Variants in PHLDB2 observed in about 807,000 individuals in gnomAD.
PHLDB2 encodes the protein pleckstrin homology-like domain family B member 2.
A neutral mutation model predicts 123.6 loss-of-function variants in PHLDB2; 71 were observed. The ratio of observed to expected loss-of-function variants is 0.57; its 90% CI spans 0.47 to 0.70. PHLDB2 has a LOEUF of 0.70. PHLDB2 is among the 30% of genes least tolerant of loss of function. PHLDB2 has a pLI of 0.00. For synonymous variants in PHLDB2, 547 were observed against 541.6 expected (o/e 1.01, Z -0.14); for missense variants, 1,446 against 1,519.5 (o/e 0.95, Z 0.80).
intron 1 of PHLDB2, among the ~76,000 whole-genome samples, chr3:111,810,783 T>C (rs1034228178): frequency 2.6e-5 from 4 of 152,206 alleles, no homozygotes; most frequent in African/African-American, 4.8e-5. Flanking sequence ...AAAATATGTC[T>C]TCCAAATGCC....
intron 1 of PHLDB2, among the ~76,000 whole-genome samples, chr3:111,794,604 G>A (rs1403022599): frequency 6.6e-6 from 1 of 152,196 alleles, no homozygotes; most frequent in African/African-American, 2.4e-5. Flanking sequence ...GATACCACTA[G>A]ATCTGCCCTC....
intron 2 of PHLDB2, among the ~76,000 whole-genome samples, chr3:111,909,480 C>T (rs890719567): frequency 3.3e-5 from 5 of 152,076 alleles, no homozygotes; most frequent in African/African-American, 1.2e-4. Context: ...GCCTGGAGTC[C>T]CCGCTACTCT....
chr3:111,845,673 A>T, intron 1 of PHLDB2: 2 of 814,414 alleles, frequency 2.5e-6, no homozygotes, highest in South Asian at 3.8e-5. Context: ...AGAGTGATCC[A>T]GGACGTCTGT....
chr3:111,862,253 G>T lies in PHLDB2; in HGVS notation c.-15+2677G>T, dbSNP rs1306949027. Reference sequence around the variant, plus strand: ...GCTGTGGATGGCTTAGAGTGACAGTGGCTTTGTACATTTTCTAGGTGGAGT... The same window carrying T: ...GCTGTGGATGGCTTAGAGTGACAGTTGCTTTGTACATTTTCTAGGTGGAGT... On this transcript the variant is annotated intron_variant, in intron 1 of 17. Coordinates refer to ENST00000431670, the MANE Select transcript of PHLDB2 (RefSeq NM_001134438.2). 3.3e-5 allele frequency among the ~76,000 whole-genome samples: 5 copies of T among 152,156 alleles called. No individual in the cohort carries two copies. In the East Asian group the frequency reaches 9.6e-4, roughly 29 times the overall value.
At chr3:111,785,473 C>G (rs1320990325) in intron 1 of PHLDB2, among the ~76,000 whole-genome samples, 1 of 152,120 alleles carries the variant, frequency 6.6e-6, no homozygotes, top group Non-Finnish European at 1.5e-5. Flanking sequence ...TTGGAATTCT[C>G]AAATCTCCAA....
chr3:111,822,773 C>A (rs2062464870), intron 1 of PHLDB2, among the ~76,000 whole-genome samples: 1 of 152,084 alleles, frequency 6.6e-6, no homozygotes, highest in Non-Finnish European at 1.5e-5. Context: ...GGACCAATAC[C>A]AAAAGCCACC....
chr3:111,762,024 C>T (rs1426020038), intron 1 of PHLDB2, among the ~76,000 whole-genome samples: 1 of 152,178 alleles, frequency 6.6e-6, no homozygotes, highest in African/African-American at 2.4e-5. Flanking sequence ...CAGAGGAACA[C>T]ATTTTATCCA....
intron 1 of PHLDB2, among the ~76,000 whole-genome samples, chr3:111,876,816 C>T (rs570770083): frequency 6.6e-6 from 1 of 152,192 alleles, no homozygotes; most frequent in Middle Eastern, 3.4e-3. Flanking sequence ...TGAGAACATG[C>T]CGTGTTTGGT....
At chr3:111,813,210 G>A (rs191413682) in intron 1 of PHLDB2, among the ~76,000 whole-genome samples, 4 of 152,282 alleles carry the variant, frequency 2.6e-5, no homozygotes, top group East Asian at 3.9e-4. Context: ...ACAAGTTCAA[G>A]AGAGCTGTTG....
At chr3:111,851,343 T>C (rs1576885464) in intron 2 of PHLDB2, among the ~76,000 whole-genome samples, 1 of 152,132 alleles carries the variant, frequency 6.6e-6, no homozygotes, top group Non-Finnish European at 1.5e-5. Context: ...TTAATTGGAA[T>C]GTTGTCACTG....
At chr3:111,927,715 G>A (rs776304086) in intron 5 of PHLDB2, among the ~76,000 whole-genome samples, 6 of 152,276 alleles carry the variant, frequency 3.9e-5, no homozygotes, top group Non-Finnish European at 8.8e-5. Flanking sequence ...CTGAAATTCA[G>A]TGTAGCTGAA....
At chr3:111,842,019 T>C (rs2063718939) in intron 1 of PHLDB2, among the ~76,000 whole-genome samples, 2 of 152,344 alleles carry the variant, frequency 1.3e-5, no homozygotes, top group Non-Finnish European at 2.9e-5. Flanking sequence ...TCTTTCTTAC[T>C]ATTGACTTTG....
At chr3:111,918,976 C>T (rs1315152269) in intron 3 of PHLDB2, 96 bp from the exon 4 acceptor site, 10 of 1,295,374 alleles carry the variant, frequency 7.7e-6, no homozygotes, top group African/African-American at 1.5e-5. Context: ...GGCATGGAGA[C>T]TGTGAGACCC....
chr3:111,777,918 T>TC lies in PHLDB2; in HGVS notation c.-49+45215_-49+45216insC, dbSNP rs376937965. On this transcript the variant is annotated intron_variant, in intron 1 of 17. Transcript: ENST00000393923. Reference sequence around the variant, plus strand: ...CTTCTACATCATTACCCTCCCTTTTTTTTAAGCTAAACGGACTGGCTTCTG... The same window carrying TC: ...CTTCTACATCATTACCCTCCCTTTTTCTTTAAGCTAAACGGACTGGCTTCTG... Among the ~76,000 whole-genome samples, 1,213 of 151,672 alleles carry TC rather than the reference T, an allele frequency of 8.0e-3. 16 individuals are homozygous for TC. The highest frequency in any genetic ancestry group is 0.027 in the African/African-American group (1,117 of 41,368).
At chr3:111,735,992 A>C (rs886497483) in intron 1 of PHLDB2, among the ~76,000 whole-genome samples, 2 of 152,132 alleles carry the variant, frequency 1.3e-5, no homozygotes, top group African/African-American at 4.8e-5. Flanking sequence ...GTTCTTTCTA[A>C]ATTATTTGAT....
At chr3:111,779,770 A>G in intron 1 of PHLDB2, 2 of 796,506 alleles carry the variant, frequency 2.5e-6, no homozygotes, top group Non-Finnish European at 3.0e-6. Flanking sequence ...TTGTGGCAGA[A>G]TGCAAAAATC....
chr3:111,868,212 G>C lies in PHLDB2; in HGVS notation c.-15+8636G>C, dbSNP rs150026681. On this transcript the variant is annotated intron_variant, in intron 1 of 17. Transcript: ENST00000431670. ...TTTTTTAAATTTCTGTAGAGATGGGGTCTTGCTGTGCTGGTCAGGCTGGTC... is the reference window on the plus strand; with the variant it reads ...TTTTTTAAATTTCTGTAGAGATGGGCTCTTGCTGTGCTGGTCAGGCTGGTC... Among the ~76,000 whole-genome samples, 36 of 152,212 alleles carry C rather than the reference G, an allele frequency of 2.4e-4. No homozygotes were observed. In the East Asian group the frequency reaches 6.2e-3, roughly 26 times the overall value.
chr3:111,802,676 C>G (rs1218460827), intron 1 of PHLDB2, among the ~76,000 whole-genome samples: 1 of 152,178 alleles, frequency 6.6e-6, no homozygotes, highest in Non-Finnish European at 1.5e-5. Flanking sequence ...TGAAAGTTTT[C>G]TAAACTGTAT....
chr3:111,780,271 A>AGAGAAGAAGAAG lies in PHLDB2; in HGVS notation c.-49+47568_-49+47569insGAGAAGAAGAAG, dbSNP rs34178824. 1.0e-3 allele frequency among the ~76,000 whole-genome samples: 8 copies of AGAGAAGAAGAAG among 7,790 alleles called. 1 individual carries two copies. Among genetic ancestry groups the AGAGAAGAAGAAG allele is most frequent in the Non-Finnish European group, 1.5e-3 (5 of 3,356 alleles). The allele number at this position is 7,790 out of a possible 152,430, so 5.1% of individuals were successfully genotyped here. ...CTCCTGATTTAAAAGAAGAAGAAGA[A>AGAGAAGAAGAAG]AAGAAGAAGAAGAAGAAGAAGAAGA... On this transcript the variant is annotated intron_variant, in intron 1 of 17. Coordinates refer to the PHLDB2 transcript ENST00000393923.
Sources: allele counts gnomAD v4.1 joint callset (sites outside exome capture counted in the v4.1 genomes callset), GRCh38; gene constraint gnomAD v4.1.1; transcripts MANE v1.5; gene names NCBI Gene and HGNC (gene_info 2026-07-23, HGNC 2026-07-21).